Variants in DMD observed in about 807,000 individuals in gnomAD.
The protein encoded by DMD is dystrophin, also known as mutant dystrophin.
A neutral mutation model predicts 330.1 loss-of-function variants in DMD; 63 were observed. That is an observed-to-expected ratio of 0.19 (90% CI 0.16 to 0.24). The LOEUF (loss-of-function observed/expected upper bound fraction) is 0.24. DMD is among the 10% of genes least tolerant of loss of function. DMD has a pLI of 1.00. For missense variants in DMD, 3,344 were observed against 2,684.1 expected (o/e 1.25, Z -5.43); for synonymous variants, 1,223 against 959.8 (o/e 1.27, Z -5.07).
intron 1 of DMD, among the ~76,000 whole-genome samples, chrX:33,035,316 A>G (rs893277171): frequency 2.7e-5 from 3 of 111,778 alleles, no homozygotes; most frequent in Non-Finnish European, 5.7e-5. Flanking sequence ...AGGTATAATT[A>G]TATACACTGC....
intron 44 of DMD, among the ~76,000 whole-genome samples, chrX:31,983,166 G>A (rs1216725937): frequency 4.5e-5 from 5 of 110,624 alleles, no homozygotes; most frequent in African/African-American, 1.3e-4. Flanking sequence ...CAGACGTATT[G>A]TAGGGAAATA....
intron 43 of DMD, among the ~76,000 whole-genome samples, chrX:32,287,234 C>T (rs1419059946): frequency 9.0e-6 from 1 of 111,479 alleles, no homozygotes; most frequent in Non-Finnish European, 1.9e-5. Context: ...TATGTTATAT[C>T]GAACAACTGT....
At chrX:32,780,583 A>C (rs1435265292) in intron 7 of DMD, among the ~76,000 whole-genome samples, 2 of 112,002 alleles carry the variant, frequency 1.8e-5, no homozygotes, top group African/African-American at 6.5e-5. Context: ...CAAAGTAGCC[A>C]GTAAGATCAA....
intron 2 of DMD, among the ~76,000 whole-genome samples, chrX:32,892,597 C>T (rs1204644028): frequency 9.0e-6 from 1 of 111,143 alleles, no homozygotes; most frequent in Non-Finnish European, 1.9e-5. Context: ...GGGGTTTCAC[C>T]ATGTTGGCCA....
At chrX:31,293,301 T>C (rs2053916733) in intron 62 of DMD, among the ~76,000 whole-genome samples, 1 of 107,299 alleles carries the variant, frequency 9.3e-6, no homozygotes, top group African/African-American at 3.4e-5. Flanking sequence ...ATGGCGAACA[T>C]AGGTGTATTC....
intron 7 of DMD, among the ~76,000 whole-genome samples, chrX:32,728,265 T>C (rs1332954401): frequency 8.9e-6 from 1 of 111,962 alleles, no homozygotes; most frequent in Non-Finnish European, 1.9e-5. Context: ...CAGAGTAACA[T>C]TTTGTGAAGC....
chrX:31,347,590 A>C (rs1404196255), intron 61 of DMD, among the ~76,000 whole-genome samples: 1 of 112,204 alleles, frequency 8.9e-6, no homozygotes, highest in African/African-American at 3.2e-5. Context: ...GCAGTGTTTC[A>C]TTGTGTACAG....
chrX:32,831,880 T>C (rs979353809), intron 4 of DMD, among the ~76,000 whole-genome samples: 1 of 111,152 alleles, frequency 9.0e-6, no homozygotes, highest in Non-Finnish European at 1.9e-5. Context: ...TTATATCTCA[T>C]TCACAGGGGA....
At chrX:33,007,130 T>C (rs7878940) in intron 2 of DMD, among the ~76,000 whole-genome samples, 5,914 of 110,808 alleles carry the variant, frequency 0.053, 416 homozygotes, top group African/African-American at 0.18. Context: ...ACTTACATTA[T>C]TTCTGGCTAC....
chrX:32,449,727 T>C (rs7881832), intron 26 of DMD, among the ~76,000 whole-genome samples: 53,212 of 108,745 alleles, frequency 0.49, 10,422 homozygotes, highest in East Asian at 0.75. Flanking sequence ...ACTCCTTAAC[T>C]TCAAATGCGT....
intron 13 of DMD, among the ~76,000 whole-genome samples, chrX:32,595,321 G>A (rs772012710): frequency 1.8e-5 from 2 of 111,690 alleles, no homozygotes; most frequent in Non-Finnish European, 3.8e-5. Context: ...TTTTCAAGAT[G>A]CCTTAACCAC....
intron 59 of DMD, among the ~76,000 whole-genome samples, chrX:31,465,768 G>A (rs1275231658): frequency 1.8e-5 from 2 of 111,694 alleles, no homozygotes; most frequent in Non-Finnish European, 3.8e-5. Context: ...CTAGATCCTT[G>A]AGGAATTGCC....
intron 51 of DMD, among the ~76,000 whole-genome samples, chrX:31,733,528 T>G (rs769146748): frequency 8.9e-6 from 1 of 111,874 alleles, no homozygotes; most frequent in South Asian, 3.7e-4. Flanking sequence ...TGAATTAAGC[T>G]GAAATGTAAC....
At chrX:33,318,450 A>AT (rs1366438601) in intron 1 of DMD, among the ~76,000 whole-genome samples, 138 of 97,486 alleles carry the variant, frequency 1.4e-3, no homozygotes, top group East Asian at 2.2e-3. Flanking sequence ...TACTCAGTGT[A>AT]TTTTTTTTTT....
intron 30 of DMD, among the ~76,000 whole-genome samples, chrX:32,398,928 G>A (rs960140471): frequency 2.4e-4 from 27 of 111,397 alleles, no homozygotes; most frequent in South Asian, 3.7e-4. Flanking sequence ...AGAACACAGA[G>A]ATAAATCCAT....
intron 62 of DMD, among the ~76,000 whole-genome samples, chrX:31,304,335 A>G (rs1227676246): frequency 9.0e-6 from 1 of 111,367 alleles, no homozygotes; most frequent in African/African-American, 3.3e-5. Context: ...CAGTTCACAA[A>G]CACACTAATT....
intron 7 of DMD, among the ~76,000 whole-genome samples, chrX:32,807,122 T>TTAAAAAAAA (rs1345640031): frequency 2.4e-4 from 5 of 20,741 alleles, no homozygotes; most frequent in African/African-American, 8.8e-4. Context: ...CGGAAACATT[T>TTAAAAAAAA]AAAAAAAAAA....
intron 1 of DMD, among the ~76,000 whole-genome samples, chrX:33,155,547 CTCAGGTGA>C (rs1332684329): frequency 1.8e-5 from 2 of 111,136 alleles, no homozygotes; most frequent in Non-Finnish European, 3.8e-5. Context: ...AACCCCTGAC[CTCAGGTGA>C]TCCACCTGCT....
intron 44 of DMD, among the ~76,000 whole-genome samples, chrX:32,172,074 G>C (rs2096889663): frequency 1.8e-5 from 2 of 111,812 alleles, no homozygotes; most frequent in African/African-American, 6.5e-5. Flanking sequence ...AAGCCCAGTA[G>C]ATTACCAGTG....
Sources: allele counts gnomAD v4.1 joint callset (sites outside exome capture counted in the v4.1 genomes callset), GRCh38; gene constraint gnomAD v4.1.1; transcripts MANE v1.5; gene names NCBI Gene and HGNC (gene_info 2026-07-23, HGNC 2026-07-21).